The following LPA variants were observed in gnomAD, a reference collection of about 807,000 sequenced individuals.
LPA encodes lipoprotein(a).
LPA carries 199 observed loss-of-function variants against 197.9 expected under a neutral mutation model. The ratio of observed to expected loss-of-function variants is 1.01; its 90% CI spans 0.90 to 1.13. LPA has a LOEUF of 1.13. Among genes scored for constraint, LPA ranks in the 50% most tolerant of loss-of-function variants. LPA has a pLI of 0.00. For synonymous variants in LPA, 715 were observed against 639.5 expected, an observed-to-expected ratio of 1.12 and a Z score of -1.78; for missense variants, 1,853 against 1,785.8, an observed-to-expected ratio of 1.04 and a Z score of -0.68.
At chr6:160,579,984 G>A (rs1334825547) in intron 26 of LPA, among the ~76,000 whole-genome samples, 3 of 152,162 alleles carry the variant, frequency 2.0e-5, no homozygotes, top group Non-Finnish European at 4.4e-5. Context: ...CCCTCACAAT[G>A]CAGAACATTT....
chr6:160,595,682 C>A (rs947507356), intron 20 of LPA, 147 bp from the exon 21 acceptor site: 2 of 1,173,906 alleles, frequency 1.7e-6, no homozygotes, highest in African/African-American at 3.1e-5. Flanking sequence ...AAATGGTCCT[C>A]AACTTCTAAA....
chr6:160,662,123 C>G (rs1353056276), intron 1 of LPA, among the ~76,000 whole-genome samples: 1 of 152,148 alleles, frequency 6.6e-6, no homozygotes. Flanking sequence ...TTCCACAATC[C>G]TTTTGTTTCT....
chr6:160,641,051 C>T (rs565807478), intron 4 of LPA, among the ~76,000 whole-genome samples: 1 of 139,486 alleles, frequency 7.2e-6, no homozygotes, highest in Admixed American at 6.9e-5. Flanking sequence ...TAGATTATTA[C>T]TATTTTTTTA....
intron 25 of LPA, 141 bp downstream of exon 25, chr6:160,586,308 T>C: frequency 2.1e-6 from 2 of 970,946 alleles, no homozygotes; most frequent in Non-Finnish European, 3.1e-6. Flanking sequence ...GAGAAGGCAC[T>C]GAAGCTTCCT....
At chr6:160,610,674 G>C (rs903189646) in intron 16 of LPA, among the ~76,000 whole-genome samples, 1 of 152,098 alleles carries the variant, frequency 6.6e-6, no homozygotes, top group Non-Finnish European at 1.5e-5. Flanking sequence ...CTTATTTGTA[G>C]CGGACCTAGA....
intron 7 of LPA, among the ~76,000 whole-genome samples, chr6:160,634,685 T>A (rs1028839241): frequency 2.6e-5 from 4 of 151,674 alleles, no homozygotes; most frequent in Non-Finnish European, 4.4e-5. Context: ...TGCAGCCCTG[T>A]TAGGTTTCTC....
At chr6:160,587,606 C>T (rs575490118) in intron 24 of LPA, among the ~76,000 whole-genome samples, 8 of 152,150 alleles carry the variant, frequency 5.3e-5, no homozygotes, top group South Asian at 2.1e-4. Flanking sequence ...GTATATTTGG[C>T]GTGTTGCGAG....
At chr6:160,593,554 T>C (rs1272393711) in intron 22 of LPA, among the ~76,000 whole-genome samples, 1 of 152,150 alleles carries the variant, frequency 6.6e-6, no homozygotes, top group Admixed American at 6.5e-5. Flanking sequence ...AACATAGATA[T>C]CCTTTATTTG....
rs13306529 is a variant in LPA at position 160,599,975 on chromosome 6, C to T, written c.3128-316G>A. Among the ~76,000 whole-genome samples, 19 of 152,170 alleles carry T rather than the reference C, an allele frequency of 1.2e-4. No individual in the cohort carries two copies. The East Asian group carries it at 1.7e-3, about 14-fold the overall frequency. On this transcript the variant is annotated intron_variant, in intron 19 of 38. Transcript: ENST00000316300. The stretch of plus-strand genomic sequence containing the variant: ...AGGAATCTCTACAGAGTGTTCATGA[C>T]GACATGGAACAGCATAGAAGAAAGG...
At chr6:160,577,107 T>C (rs2115030867) in intron 28 of LPA, 29 bp downstream of exon 28, 3 of 1,611,560 alleles carry the variant, frequency 1.9e-6, no homozygotes, top group Non-Finnish European at 2.5e-6. Flanking sequence ...TGGCTGTTGC[T>C]CCTCTTATGG....
intron 16 of LPA, among the ~76,000 whole-genome samples, chr6:160,608,842 T>C (rs543576551): frequency 6.6e-6 from 1 of 151,370 alleles, no homozygotes; most frequent in East Asian, 1.9e-4. Context: ...TGTGTGTGTG[T>C]GAACTTGTGA....
At chr6:160,581,186 A>C (rs1219062833) in intron 26 of LPA, among the ~76,000 whole-genome samples, 1 of 152,142 alleles carries the variant, frequency 6.6e-6, no homozygotes, top group Non-Finnish European at 1.5e-5. Flanking sequence ...AAATTTCCTC[A>C]TTAAATTGCT....
Position 160,589,552 on chromosome 6 carries a change from C to T in LPA, c.3947+1G>A, listed in dbSNP as rs1032955724. Reference sequence around the variant, plus strand: ...TCTTGGGAGAAAACTCAAAGACATACCCATTTGGGTAGTATTCTGTGGTTC... The same window carrying T: ...TCTTGGGAGAAAACTCAAAGACATATCCATTTGGGTAGTATTCTGTGGTTC... On this transcript the variant is annotated splice_donor_variant, in intron 24 of 38. Coordinates refer to ENST00000316300, the MANE Select transcript of LPA (RefSeq NM_005577.4). LOFTEE classifies it high-confidence loss of function. 6.2e-7 allele frequency: 1 copy of T among 1,613,446 alleles called. No homozygotes were observed. The highest frequency in any genetic ancestry group is 8.5e-7 in the Non-Finnish European group (1 of 1,179,760).
chr6:160,534,495 G>A (rs1426381314), intron 37 of LPA, among the ~76,000 whole-genome samples: 1 of 152,160 alleles, frequency 6.6e-6, no homozygotes, highest in Non-Finnish European at 1.5e-5. Context: ...TCAGCCCAGT[G>A]ATTGCAGATG....
chr6:160,545,582 G>T (rs774824065), intron 32 of LPA, 49 bp from the exon 33 acceptor site: 1 of 1,095,426 alleles, frequency 9.1e-7, no homozygotes, highest in East Asian at 2.4e-5. Flanking sequence ...AGCAGGAGAG[G>T]GAGAAGATAT....
chr6:160,661,009 G>A (rs1780216017), intron 1 of LPA, among the ~76,000 whole-genome samples: 1 of 152,198 alleles, frequency 6.6e-6, no homozygotes, highest in Non-Finnish European at 1.5e-5. Context: ...CTGCCTGGTT[G>A]TGGCAAAGGG....
intron 28 of LPA, among the ~76,000 whole-genome samples, chr6:160,574,182 A>G (rs35358746): frequency 0.19 from 29,312 of 151,922 alleles, 3,157 homozygotes; most frequent in East Asian, 0.4. Flanking sequence ...AGTGGAGGGA[A>G]GCTGTCAGTC....
chr6:160,546,716 G>A (rs1778077477), intron 32 of LPA, among the ~76,000 whole-genome samples: 1 of 152,122 alleles, frequency 6.6e-6, no homozygotes. Flanking sequence ...ACACCCAGCT[G>A]GTATCTGCTG....
chr6:160,600,563 TGAA>T (rs1413301219), intron 19 of LPA, among the ~76,000 whole-genome samples: 1 of 152,128 alleles, frequency 6.6e-6, no homozygotes, highest in African/African-American at 2.4e-5. Flanking sequence ...GCTGTCTACT[TGAA>T]GAAATCCCTG....
Sources: gnomAD v4.1 joint callset for allele counts (sites outside exome capture counted in the v4.1 genomes callset) on GRCh38, gnomAD v4.1.1 for gene constraint, MANE v1.5 for transcripts, NCBI Gene and HGNC (gene_info 2026-07-23, HGNC 2026-07-21) for gene names.